Variants in LRRC37A2 observed in about 807,000 individuals in gnomAD.
LRRC37A2 encodes the protein leucine-rich repeat-containing protein 37A2.
LRRC37A2 carries 9 observed loss-of-function variants against 68.8 expected under a neutral mutation model. That is an observed-to-expected ratio of 0.13 (90% confidence interval 0.08 to 0.23). LRRC37A2 has a LOEUF of 0.23. Ranked by LOEUF, LRRC37A2 falls within the 10% of genes least tolerant of loss-of-function variation. The probability of loss-of-function intolerance (pLI) is 1.00; values close to 1 mark genes in which losing one functional copy is unlikely to be tolerated. For synonymous variants in LRRC37A2, 63 were observed against 367.6 expected (o/e 0.17, Z 9.48); for missense variants, 168 against 950.4 (o/e 0.18, Z 10.82).
the LRRC37A2 span, among the ~76,000 whole-genome samples, chr17:46,676,617 C>T: frequency 3.0e-5 from 4 of 132,190 alleles, no homozygotes; most frequent in Non-Finnish European, 4.7e-5. Context: ...GCTTGAAACC[C>T]GAAGCTGAGA....
the LRRC37A2 span, among the ~76,000 whole-genome samples, chr17:46,817,040 A>G: frequency 6.6e-6 from 1 of 152,214 alleles, no homozygotes; most frequent in African/African-American, 2.4e-5. Flanking sequence ...TGGGTTGGGC[A>G]GAAGAAAGAC....
chr17:46,782,978 G>A, the LRRC37A2 span, among the ~76,000 whole-genome samples: 1 of 152,226 alleles, frequency 6.6e-6, no homozygotes, highest in East Asian at 1.9e-4. Context: ...GTGGCTGTGG[G>A]AGAGCGCCAA....
the LRRC37A2 span, among the ~76,000 whole-genome samples, chr17:46,506,176 CAATT>C: frequency 2.2e-5 from 3 of 135,764 alleles, no homozygotes; most frequent in East Asian, 2.2e-4. Context: ...AAAGGGTACT[CAATT>C]GATAACTGAC....
chr17:46,934,596 A>G, the LRRC37A2 span, among the ~76,000 whole-genome samples: 3 of 152,228 alleles, frequency 2.0e-5, no homozygotes, highest in African/African-American at 7.2e-5. Context: ...GAGGTAAACT[A>G]TAGATAAAAT....
chr17:46,838,779 G>C, the LRRC37A2 span, among the ~76,000 whole-genome samples: 1 of 152,130 alleles, frequency 6.6e-6, no homozygotes, highest in African/African-American at 2.4e-5. Context: ...AAAAATCCGG[G>C]TTTACAAAAA....
chr17:46,923,208 C>T, the LRRC37A2 span: 1 of 1,549,880 alleles, frequency 6.5e-7, no homozygotes, highest in Non-Finnish European at 8.7e-7. Context: ...TCCCCTGTTC[C>T]AGCAAACGCA....
the LRRC37A2 span, among the ~76,000 whole-genome samples, chr17:47,005,086 A>C: frequency 2.0e-5 from 3 of 152,184 alleles, no homozygotes; most frequent in Non-Finnish European, 4.4e-5. Flanking sequence ...GTCACTTCCT[A>C]ACTCTGTTTT....
the LRRC37A2 span, among the ~76,000 whole-genome samples, chr17:46,838,402 G>A: frequency 6.6e-6 from 1 of 151,948 alleles, no homozygotes; most frequent in Non-Finnish European, 1.5e-5. Flanking sequence ...CAAGGCAGGA[G>A]GATCACCTGA....
the LRRC37A2 span, among the ~76,000 whole-genome samples, chr17:46,909,140 C>T: frequency 1.1e-4 from 16 of 152,328 alleles, no homozygotes; most frequent in African/African-American, 3.6e-4. Flanking sequence ...CAGCCTCCAA[C>T]TCCCGGGCTC....
chr17:46,943,034 CTT>C, the LRRC37A2 span, among the ~76,000 whole-genome samples: 1 of 151,798 alleles, frequency 6.6e-6, no homozygotes, highest in Non-Finnish European at 1.5e-5. Context: ...CATTCACCCT[CTT>C]ATTAATTGGC....
chr17:46,974,787 G>T, the LRRC37A2 span, among the ~76,000 whole-genome samples: 1 of 150,950 alleles, frequency 6.6e-6, no homozygotes, highest in South Asian at 2.1e-4. Flanking sequence ...TCCCAGCTCT[G>T]CCCCTTTCTA....
At chr17:46,896,452 A>AAAAGAAAGAAAGAAAGAAAGAAAG in the LRRC37A2 span, among the ~76,000 whole-genome samples, 14 of 65,880 alleles carry the variant, frequency 2.1e-4, 1 homozygote, top group African/African-American at 6.2e-4. Context: ...GAAAGAAAGA[A>AAAAGAAAGAAAGAAAGAAAGAAAG]AAAGAAAGAA....
the LRRC37A2 span, among the ~76,000 whole-genome samples, chr17:46,783,262 C>T: frequency 3.9e-5 from 6 of 152,334 alleles, no homozygotes; most frequent in Admixed American, 1.3e-4. Flanking sequence ...GCCCAGTGGG[C>T]TCCTGTCTTG....
the LRRC37A2 span, among the ~76,000 whole-genome samples, chr17:46,765,398 A>C: frequency 1.3e-5 from 2 of 152,234 alleles, no homozygotes; most frequent in African/African-American, 2.4e-5. Context: ...TAAGGCACCA[A>C]ATCAATGGTT....
chr17:46,962,622 A>G, the LRRC37A2 span, among the ~76,000 whole-genome samples: 9 of 152,230 alleles, frequency 5.9e-5, no homozygotes, highest in Non-Finnish European at 1.3e-4. Flanking sequence ...AGGAAATGCC[A>G]TGAGTTGATA....
chr17:47,034,720 A>G, the LRRC37A2 span, among the ~76,000 whole-genome samples: 1 of 148,874 alleles, frequency 6.7e-6, no homozygotes, highest in East Asian at 2.0e-4. Flanking sequence ...TGCCCAGCCT[A>G]CATTCATTTT....
chr17:47,016,239 C>T, the LRRC37A2 span, among the ~76,000 whole-genome samples: 2 of 151,868 alleles, frequency 1.3e-5, no homozygotes, highest in Non-Finnish European at 2.9e-5. Flanking sequence ...CCACCACACC[C>T]GGCCCCCCTT....
the LRRC37A2 span, chr17:47,005,593 C>T: frequency 6.6e-6 from 1 of 152,154 alleles, no homozygotes; most frequent in East Asian, 1.9e-4. Flanking sequence ...GTTAATAAAA[C>T]AAGCAAAACC....
the LRRC37A2 span, among the ~76,000 whole-genome samples, chr17:46,990,917 C>T: frequency 4.6e-5 from 7 of 152,296 alleles, no homozygotes; most frequent in South Asian, 2.1e-4. Context: ...GCAATCCTCC[C>T]GCCTTGGCCT....
Sources: allele counts gnomAD v4.1 joint callset (sites outside exome capture counted in the v4.1 genomes callset), GRCh38; gene constraint gnomAD v4.1.1; transcripts MANE v1.5; gene names NCBI Gene and HGNC (gene_info 2026-07-23, HGNC 2026-07-21).